Variants in ZNF765 observed in about 807,000 individuals in gnomAD.
ZNF765 encodes the protein zinc finger protein 765.
Under a neutral mutation model 44.7 loss-of-function variants are expected in ZNF765, and 37 were observed. The observed-to-expected ratio is 0.83, with a 90% CI of 0.64 to 1.09. ZNF765 has a LOEUF of 1.09. Ranked by LOEUF, ZNF765 falls within the 50% of genes least tolerant of loss-of-function variation. The pLI, the probability that ZNF765 is intolerant of heterozygous loss-of-function variation, is 0.00. For missense variants in ZNF765, 594 were observed against 626.1 expected, an observed-to-expected ratio of 0.95 and a Z score of 0.55; for synonymous variants, 201 against 213.7, an observed-to-expected ratio of 0.94 and a Z score of 0.52.
At chr19:53,416,930 C>G (rs55634278), downstream of ZNF765, among the ~76,000 whole-genome samples, 114,085 of 151,388 alleles carry the variant, frequency 0.75, 43,902 homozygotes, top group Non-Finnish European at 0.83. Flanking sequence ...CAATTCTCCT[C>G]TCTCAGCCTT....
At chr19:53,413,805 T>C (rs2085851541), downstream of ZNF765, among the ~76,000 whole-genome samples, 1 of 151,530 alleles carries the variant, frequency 6.6e-6, no homozygotes, top group African/African-American at 2.4e-5. Context: ...TGTCAAAGCA[T>C]TATGTCTGTC....
chr19:53,396,949 G>A (rs2085677089), intron 1 of ZNF765, among the ~76,000 whole-genome samples: 1 of 152,238 alleles, frequency 6.6e-6, no homozygotes, highest in Non-Finnish European at 1.5e-5. Flanking sequence ...AGTCACAATT[G>A]CTTCTATAGT....
intron 3 of ZNF765, among the ~76,000 whole-genome samples, chr19:53,418,910 GAAAAAAAAA>G (rs34443506): frequency 2.1e-5 from 2 of 96,856 alleles, no homozygotes; most frequent in African/African-American, 3.8e-5. Context: ...GTTGTGGGAG[GAAAAAAAAA>G]AAAAAAAAAA....
In ZNF765 at chr19:53,408,257, G is replaced by C; in HGVS notation, c.702G>C (p.Gln234His). Reference protein sequence around the residue: ...YNCSSLLRKHQLIHLGEKQYK... With the variant: ...YNCSSLLRKHHLIHLGEKQYK... ...GTAGCTCACTCTTAAGGAAACATCA[G>C]TTAATCCATTTAGGAGAGAAACAAT... Residue 234 changes from glutamine (Q) to histidine (H), a missense_variant, in exon 4 of 4, where the codon CAG becomes CAC. By Grantham distance (24) the Gln-to-His change is conservative. This residue lies in a region of ZNF765 where 567 missense variants were observed against 572.6 expected (regional missense o/e 0.99). Coordinates refer to ENST00000396408, the MANE Select transcript of ZNF765 (RefSeq NM_001040185.3). 1 of 1,614,064 alleles carries C rather than the reference G, an allele frequency of 6.2e-7. No individual in the cohort carries two copies. Among genetic ancestry groups the C allele is most frequent in the Non-Finnish European group, 8.5e-7 (1 of 1,179,990 alleles).
chr19:53,400,064 A>G (rs2147088908), intron 2 of ZNF765, among the ~76,000 whole-genome samples: 1 of 152,242 alleles, frequency 6.6e-6, no homozygotes, highest in East Asian at 1.9e-4. Flanking sequence ...CACCTGCCTC[A>G]GCCACTCAAA....
At position 53,409,166 on chromosome 19, in the gene ZNF765, C is replaced by T. The variant is rs746356199; in HGVS notation, c.*39C>T. 2.0e-6 allele frequency: 3 copies of T among 1,531,330 alleles called. No homozygotes were observed. The highest frequency in any genetic ancestry group is 2.2e-5 in the South Asian group (2 of 89,206). The allele number at this position is 1,531,330 out of a possible 1,614,324, so 94.9% of individuals were successfully genotyped here. On this transcript the variant is annotated 3_prime_UTR_variant, in exon 4 of 4. Coordinates refer to ENST00000396408, the MANE Select transcript of ZNF765 (RefSeq NM_001040185.3). ...ACCTTCAATCAGGAGTTAACCCTTA[C>T]ATGCCATCGTAGGCTTCATAGTGGA... is the stretch of plus-strand genomic sequence containing the variant.
At chr19:53,397,548 AG>A (rs2085683440) in intron 1 of ZNF765, among the ~76,000 whole-genome samples, 1 of 152,148 alleles carries the variant, frequency 6.6e-6, no homozygotes, top group Admixed American at 6.6e-5. Flanking sequence ...TGCCTGGCTA[AG>A]TTTTTGTACT....
Position 53,408,865 on chromosome 19 carries a change from C to T in ZNF765, c.1310C>T (p.Pro437Leu), listed in dbSNP as rs374651394. The part of the protein sequence containing the change: ...NICRLHSGEK[P>L]YKCEECDKAY... ...TGTAGACTTCATAGTGGAGAGAAAC[C>T]TTACAAATGTGAAGAATGTGACAAA... Residue 437 changes from proline to leucine, a missense_variant, in exon 4 of 4, where the codon CCT becomes CTT. Physicochemically the swap from Pro to Leu is moderately conservative, Grantham distance 98. Transcript: ENST00000396408. 1.2e-6 allele frequency: 2 copies of T among 1,613,610 alleles called. No homozygotes were observed. Among genetic ancestry groups the T allele is most frequent in the African/African-American group, 2.7e-5 (2 of 74,792 alleles).
At chr19:53,417,220 C>A (rs1447152005) in intron 3 of ZNF765, among the ~76,000 whole-genome samples, 1 of 152,194 alleles carries the variant, frequency 6.6e-6, no homozygotes, top group Non-Finnish European at 1.5e-5. Flanking sequence ...CAGATCACTT[C>A]ATCACCAGGA....
rs1241554928 is a variant in ZNF765, at chr19:53,408,795, A to C, written c.1240A>C (p.Asn414His). The change falls in exon 4 of 4, where the codon AAT (asparagine) becomes CAT (histidine). Residue 414 changes from asparagine to histidine, a missense_variant. By Grantham distance (68) the Asn-to-His change is moderately conservative. Coordinates refer to ENST00000396408, the MANE Select transcript of ZNF765 (RefSeq NM_001040185.3). Reference sequence around the variant, plus strand: ...TACTGAAGAGAAACCTTACAAGTGTAATGAGTGTGGCAAGACCTTCAATCA... The same window carrying C: ...TACTGAAGAGAAACCTTACAAGTGTCATGAGTGTGGCAAGACCTTCAATCA... The part of the protein sequence containing the change: ...LHTEEKPYKC[N>H]ECGKTFNQQL... 2 of 1,614,148 alleles carry C rather than the reference A, an allele frequency of 1.2e-6. No individual in the cohort carries two copies. The highest frequency in any genetic ancestry group is 2.2e-5 in the South Asian group (2 of 91,078).
At chr19:53,412,167 A>T (rs2085839310), downstream of ZNF765, among the ~76,000 whole-genome samples, 1 of 152,162 alleles carries the variant, frequency 6.6e-6, no homozygotes, top group Non-Finnish European at 1.5e-5. Flanking sequence ...TGGTCATTTC[A>T]TGGATGGTCT....
chr19:53,414,122 TC>T (rs2085854371), downstream of ZNF765, among the ~76,000 whole-genome samples: 1 of 150,514 alleles, frequency 6.6e-6, no homozygotes, highest in Non-Finnish European at 1.5e-5. Flanking sequence ...ATGCCTGTCA[TC>T]CCAGCTACTC....
chr19:53,412,569 A>G (rs979280534), downstream of ZNF765, among the ~76,000 whole-genome samples: 7 of 152,324 alleles, frequency 4.6e-5, no homozygotes, highest in African/African-American at 1.7e-4. Context: ...ACTCAGAAGG[A>G]TAAGACATAA....
downstream of ZNF765, among the ~76,000 whole-genome samples, chr19:53,412,412 TAC>T (rs1439916805): frequency 1.3e-5 from 2 of 152,190 alleles, no homozygotes; most frequent in Non-Finnish European, 2.9e-5. Context: ...TCCTCTTGAA[TAC>T]AGTTTTCTAG....
At chr19:53,401,029 G>T (rs528020958) in intron 2 of ZNF765, among the ~76,000 whole-genome samples, 1 of 151,072 alleles carries the variant, frequency 6.6e-6, no homozygotes, top group African/African-American at 2.4e-5. Context: ...TTTGGAGATG[G>T]AGTATCTGTT....
At chr19:53,414,102 A>G (rs541628703), downstream of ZNF765, among the ~76,000 whole-genome samples, 4 of 151,612 alleles carry the variant, frequency 2.6e-5, no homozygotes, top group Non-Finnish European at 4.4e-5. Flanking sequence ...TTGGCAAGGC[A>G]TGGTGGCACA....
intron 2 of ZNF765, chr19:53,401,843 T>A: frequency 8.1e-7 from 1 of 1,236,526 alleles, no homozygotes; most frequent in Non-Finnish European, 1.1e-6. Context: ...GCCATTGCAC[T>A]CCAGGCTGGG....
intron 2 of ZNF765, 45 bp from the exon 3 acceptor site, chr19:53,402,020 G>A: frequency 6.2e-7 from 1 of 1,613,824 alleles, no homozygotes; most frequent in Non-Finnish European, 8.5e-7. Context: ...GTAAAGATAA[G>A]AACTCCTCCC....
downstream of ZNF765, chr19:53,413,348 A>T: frequency 1.7e-6 from 1 of 579,288 alleles, no homozygotes; most frequent in Non-Finnish European, 3.3e-6. Flanking sequence ...GTCTATAAGG[A>T]ATTGCACGTG....
Sources: allele counts gnomAD v4.1 joint callset (sites outside exome capture counted in the v4.1 genomes callset), GRCh38; gene constraint gnomAD v4.1.1; regional missense constraint gnomAD v4.1.1; transcripts MANE v1.5; gene names NCBI Gene and HGNC (gene_info 2026-07-23, HGNC 2026-07-21).